CCKBR: variants seen among roughly 807,000 people sequenced by gnomAD.
CCKBR encodes the protein gastrin/cholecystokinin type B receptor.
In CCKBR, 33 loss-of-function variants were observed where a neutral mutation model predicts 34.6. That is an observed-to-expected ratio of 0.95 (90% CI 0.72 to 1.27). The LOEUF (loss-of-function observed/expected upper bound fraction) is 1.27. CCKBR is among the 50% of genes most tolerant of loss of function. CCKBR has a pLI of 0.00. For missense variants in CCKBR, 652 were observed against 617.4 expected, an observed-to-expected ratio of 1.06 and a Z score of -0.59; for synonymous variants, 269 against 267.5, an observed-to-expected ratio of 1.01 and a Z score of -0.06.
intron 1 of CCKBR, among the ~76,000 whole-genome samples, chr11:6,260,467 G>C (rs1848113300): frequency 6.6e-6 from 1 of 152,176 alleles, no homozygotes; most frequent in Admixed American, 6.5e-5. Flanking sequence ...ACAGAGAAGG[G>C]AAGGAAGAAA....
Position 6,269,832 on chromosome 11 carries a change from G to A in CCKBR, c.315G>A (p.Val105=), listed in dbSNP as rs1196190009. ...SLAVSDLLLA[V]ACMPFTLLPN... ...CAGTCAGCGACCTCCTGCTGGCTGTGGCTTGCATGCCCTTCACCCTCCTGC... is the reference window on the plus strand; with the variant it reads ...CAGTCAGCGACCTCCTGCTGGCTGTAGCTTGCATGCCCTTCACCCTCCTGC... The change falls in exon 2 of 5, where the codon GTG becomes GTA. Residue 105 remains valine (V), a synonymous_variant. Transcript: ENST00000334619. 1 of 1,614,114 alleles carries A rather than the reference G, an allele frequency of 6.2e-7. No homozygotes were observed. Among genetic ancestry groups the A allele is most frequent in the South Asian group, 1.1e-5 (1 of 91,074 alleles).
In CCKBR at chr11:6,271,325, C is replaced by A. The variant is rs1275790146; in HGVS notation, c.1126C>A (p.His376Asn). 5.6e-6 allele frequency: 9 copies of A among 1,614,082 alleles called. No individual in the cohort carries two copies. Among genetic ancestry groups the A allele is most frequent in the Non-Finnish European group, 6.8e-6 (8 of 1,180,042 alleles). ...ALSGAPISFI[H>N]LLSYASACVN... The stretch of plus-strand genomic sequence containing the variant: ...CTCGGGTGCTCCTATCTCCTTCATT[C>A]ACTTGCTGAGCTACGCCTCGGCCTG... Residue 376 changes from histidine to asparagine, a missense_variant, in exon 5 of 5, where the codon CAC (histidine) becomes AAC (asparagine). His to Asn is a moderately conservative substitution (Grantham distance 68). Coordinates refer to ENST00000334619, the MANE Select transcript of CCKBR (RefSeq NM_176875.4).
At chr11:6,261,462 T>TACACACACACAC (rs60678871) in intron 1 of CCKBR, among the ~76,000 whole-genome samples, 161 of 63,640 alleles carry the variant, frequency 2.5e-3, no homozygotes, top group African/African-American at 3.0e-3. Context: ...AAAATATATA[T>TACACACACACAC]ACACACACAC....
chr11:6,263,754 A>G (rs7929956), intron 1 of CCKBR, among the ~76,000 whole-genome samples: 27,461 of 152,156 alleles, frequency 0.18, 2,588 homozygotes, highest in Middle Eastern at 0.3. Context: ...TTACAGATAT[A>G]AGCCACCATG....
At position 6,259,858 on chromosome 11, in the gene CCKBR, C is replaced by G. The variant is rs1304892724; in HGVS notation, c.-71C>G. 1.6e-6 allele frequency: 2 copies of G among 1,262,766 alleles called. No homozygotes were observed. Among genetic ancestry groups the G allele is most frequent in the African/African-American group, 3.2e-5 (2 of 62,888 alleles). The allele number at this position is 1,262,766 out of a possible 1,614,324, so 78.2% of individuals were successfully genotyped here. On this transcript the variant is annotated 5_prime_UTR_variant, in exon 1 of 5. Transcript: ENST00000334619. ...GCGGGAGCCTGAGCCGGAATCGCAG[C>G]GTGAGCAGGTGGAGCCGCGTTGGGA...
intron 1 of CCKBR, among the ~76,000 whole-genome samples, chr11:6,263,527 T>C (rs938066973): frequency 1.3e-5 from 2 of 150,776 alleles, no homozygotes; most frequent in Non-Finnish European, 2.9e-5. Flanking sequence ...TGGGGTGCAG[T>C]AGCATGATCA....
At chr11:6,261,462 T>TATATATATATATACACACAC (rs764173521) in intron 1 of CCKBR, among the ~76,000 whole-genome samples, 7 of 64,006 alleles carry the variant, frequency 1.1e-4, no homozygotes, top group African/African-American at 3.0e-4. Context: ...AAAATATATA[T>TATATATATATATACACACAC]ACACACACAC....
chr11:6,270,338 G>T lies in CCKBR; in HGVS notation c.653+1G>T. 6.2e-7 allele frequency: 1 copy of T among 1,609,614 alleles called. No individual in the cohort carries two copies. Among genetic ancestry groups the T allele is most frequent in the East Asian group, 2.2e-5 (1 of 44,770 alleles). On this transcript the variant is annotated splice_donor_variant, in intron 3 of 4. Coordinates refer to ENST00000334619, the MANE Select transcript of CCKBR (RefSeq NM_176875.4). LOFTEE classifies it high-confidence loss of function. Reference sequence around the variant, plus strand: ...CCAGTGCGCGGGTCCGCCAGACCTGGTGAGCTTGCCCATAAACTATCCTAG... The same window carrying T: ...CCAGTGCGCGGGTCCGCCAGACCTGTTGAGCTTGCCCATAAACTATCCTAG...
At position 6,271,720 on chromosome 11, in the gene CCKBR, A is replaced by C. The variant is rs1217635768; in HGVS notation, c.*177A>C. 1.6e-6 allele frequency: 1 copy of C among 626,058 alleles called. No homozygotes were observed. The highest frequency in any genetic ancestry group is 2.7e-6 in the Non-Finnish European group (1 of 373,312). 38.8% of individuals were successfully genotyped at this position (626,058 alleles called of 1,614,324 possible). On this transcript the variant is annotated 3_prime_UTR_variant, in exon 5 of 5. Transcript: ENST00000334619. ...AAGAGGAATAAGAATGGAGCAGTAC[A>C]TGGGAAAGGAGGCATGCCTCTGATA...
In CCKBR at chr11:6,259,962, G is replaced by A; in HGVS notation, c.34G>A (p.Gly12Arg). 1 of 1,536,420 alleles carries A rather than the reference G, an allele frequency of 6.5e-7. No homozygotes were observed. Among genetic ancestry groups the A allele is most frequent in the Non-Finnish European group, 8.7e-7 (1 of 1,147,116 alleles). ...GCTAAAGCTGAACCGGAGCGTGCAG[G>A]GAACCGGACCCGGGCCGGGGGCTTC... ...ELLKLNRSVQ[G>R]TGPGPGASLC... is the part of the protein sequence containing the mutation. The change falls in exon 1 of 5, where the codon GGA (glycine) becomes AGA (arginine). Residue 12 changes from glycine (G) to arginine (R), a missense_variant. Transcript: ENST00000334619.
In CCKBR at chr11:6,271,385, C is replaced by A. The variant is rs201721347; in HGVS notation, c.1186C>A (p.Arg396Ser). 4 of 1,614,120 alleles carry A rather than the reference C, an allele frequency of 2.5e-6. No homozygotes were observed. Among genetic ancestry groups the A allele is most frequent in the Non-Finnish European group, 3.4e-6 (4 of 1,180,018 alleles). The change falls in exon 5 of 5, where the codon CGC (arginine) becomes AGC (serine). Residue 396 changes from arginine (R) to serine (S), a missense_variant. Physicochemically the swap from Arg to Ser is moderately radical, Grantham distance 110. Coordinates refer to ENST00000334619, the MANE Select transcript of CCKBR (RefSeq NM_176875.4). Reference protein sequence around the residue: ...NPLVYCFMHRRFRQACLETCA... With the variant: ...NPLVYCFMHRSFRQACLETCA... ...CCTGGTCTACTGCTTCATGCACCGTCGCTTTCGCCAGGCCTGCCTGGAAAC... is the reference window on the plus strand; with the variant it reads ...CCTGGTCTACTGCTTCATGCACCGTAGCTTTCGCCAGGCCTGCCTGGAAAC...
chr11:6,269,665 C>T lies in CCKBR; in HGVS notation c.152-4C>T, dbSNP rs201481417. On this transcript the variant is annotated splice_polypyrimidine_tract_variant and splice_region_variant and intron_variant, in intron 1 of 4. Coordinates refer to ENST00000334619, the MANE Select transcript of CCKBR (RefSeq NM_176875.4). The stretch of plus-strand genomic sequence containing the variant: ...TACTGCCACCTCTCCCTTTTCTTAC[C>T]CAGAATTGGAGCTGGCCATTAGAAT... 3.1e-6 allele frequency: 5 copies of T among 1,611,858 alleles called. No homozygotes were observed. The highest frequency in any genetic ancestry group is 4.2e-6 in the Non-Finnish European group (5 of 1,179,326).
At position 6,269,746 on chromosome 11, in the gene CCKBR, G is replaced by A. The variant is rs193258127; in HGVS notation, c.229G>A (p.Val77Met). The change falls in exon 2 of 5, where the codon GTG becomes ATG. Residue 77 changes from valine to methionine, a missense_variant. Val to Met is a conservative substitution (Grantham distance 21). Transcript: ENST00000334619. ...MSVGGNMLII[V>M]VLGLSRRLRT... ...CGTTGGAGGAAATATGCTCATCATC[G>A]TGGTCCTGGGACTGAGCCGCCGCCT... 2 of 1,614,066 alleles carry A rather than the reference G, an allele frequency of 1.2e-6. No homozygotes were observed. Among genetic ancestry groups the A allele is most frequent in the South Asian group, 1.1e-5 (1 of 91,074 alleles).
intron 1 of CCKBR, among the ~76,000 whole-genome samples, chr11:6,269,397 T>G (rs1408057979): frequency 6.6e-6 from 1 of 152,092 alleles, no homozygotes; most frequent in East Asian, 1.9e-4. Flanking sequence ...AATATCCTCT[T>G]AAGAAGTTTG....
rs201539336 is a variant in CCKBR at position 6,270,218 on chromosome 11, G to C, written c.534G>C (p.Thr178=). Residue 178 remains threonine (T), a synonymous_variant, in exon 3 of 5, where the codon ACG becomes ACC. Coordinates refer to ENST00000334619, the MANE Select transcript of CCKBR (RefSeq NM_176875.4). ...RSHAARVIVA[T]WLLSGLLMVP... ...ACGCGGCTCGCGTGATTGTAGCCAC[G>C]TGGCTGCTGTCCGGACTACTCATGG... 2 of 1,613,184 alleles carry C rather than the reference G, an allele frequency of 1.2e-6. No individual in the cohort carries two copies. Among genetic ancestry groups the C allele is most frequent in the African/African-American group, 2.7e-5 (2 of 74,954 alleles).
In CCKBR at chr11:6,270,782, C is replaced by G. The variant is rs764136497; in HGVS notation, c.790C>G (p.Arg264Gly). The change falls in exon 4 of 5, where the codon CGA becomes GGA. Residue 264 changes from arginine (R) to glycine (G), a missense_variant. Arg to Gly is a moderately radical substitution (Grantham distance 125). Coordinates refer to ENST00000334619, the MANE Select transcript of CCKBR (RefSeq NM_176875.4). ...DSDSDSQSRV[R>G]NQGGLPGAVH... The stretch of plus-strand genomic sequence containing the variant: ...TGACAGCGACAGCCAAAGCAGGGTC[C>G]GAAACCAAGGCGGGCTGCCAGGTGG... 6.2e-7 allele frequency: 1 copy of G among 1,614,050 alleles called. No homozygotes were observed. The highest frequency in any genetic ancestry group is 1.7e-5 in the Admixed American group (1 of 60,010).
chr11:6,261,656 G>T (rs1031529586), intron 1 of CCKBR, among the ~76,000 whole-genome samples: 1 of 152,032 alleles, frequency 6.6e-6, no homozygotes, highest in Non-Finnish European at 1.5e-5. Flanking sequence ...ATCTTAAGAA[G>T]GGAATAATGA....
chr11:6,270,016 G>C, intron 2 of CCKBR, 72 bp from the exon 3 acceptor site: 1 of 1,589,952 alleles, frequency 6.3e-7, no homozygotes, highest in South Asian at 1.2e-5. Flanking sequence ...GGAGGGGTGT[G>C]AGGAAGTCCC....
chr11:6,269,993 C>T (rs1411095597), intron 2 of CCKBR, 73 bp downstream of exon 2: 14 of 1,596,096 alleles, frequency 8.8e-6, no homozygotes, highest in South Asian at 1.1e-5. Flanking sequence ...TAGGGGTCTT[C>T]CCCGGTTGGC....
Sources: allele counts gnomAD v4.1 joint callset (sites outside exome capture counted in the v4.1 genomes callset), GRCh38; gene constraint gnomAD v4.1.1; transcripts MANE v1.5; gene names NCBI Gene and HGNC (gene_info 2026-07-23, HGNC 2026-07-21).